Variants in PCDHA6 observed in about 807,000 individuals in gnomAD.
PCDHA6 encodes the protein protocadherin alpha-6.
In PCDHA6, 55 loss-of-function variants were observed where a neutral mutation model predicts 60.3. The ratio of observed to expected loss-of-function variants is 0.91; its 90% CI spans 0.73 to 1.14. The LOEUF is 1.14. Ranked by LOEUF, PCDHA6 falls within the 50% of genes most tolerant of loss-of-function variation. The pLI is 0.00. For synonymous variants in PCDHA6, 652 were observed against 557.9 expected, an observed-to-expected ratio of 1.17 and a Z score of -2.38; for missense variants, 1,327 against 1,256.5, an observed-to-expected ratio of 1.06 and a Z score of -0.85.
At chr5:140,843,373 T>C (rs2150358583) in intron 1 of PCDHA6, 5 of 1,596,150 alleles carry the variant, frequency 3.1e-6, no homozygotes, top group Non-Finnish European at 2.6e-6. Flanking sequence ...GGCAGTCGGC[T>C]GGCGTTTTGG....
Position 140,829,683 on chromosome 5 carries a change from T to C in PCDHA6, c.1592T>C (p.Leu531Pro), listed in dbSNP as rs1554132167. ...QPLDHEELEL[L>P]QFQVSARDAG... is the part of the protein sequence containing the mutation. Reference sequence around the variant, plus strand: ...CTGGACCACGAGGAGCTAGAGCTGCTGCAGTTTCAGGTGAGCGCGCGCGAC... The same window carrying C: ...CTGGACCACGAGGAGCTAGAGCTGCCGCAGTTTCAGGTGAGCGCGCGCGAC... The change falls in exon 1 of 4, where the codon CTG becomes CCG. Residue 531 changes from leucine (L) to proline (P), a missense_variant. Transcript: ENST00000529310. 6 of 1,613,236 alleles carry C rather than the reference T, an allele frequency of 3.7e-6. No individual in the cohort carries two copies. The East Asian group carries it at 1.3e-4, about 36-fold the overall frequency.
chr5:140,903,840 T>C (rs2070655374), intron 1 of PCDHA6, among the ~76,000 whole-genome samples: 1 of 152,196 alleles, frequency 6.6e-6, no homozygotes, highest in African/African-American at 2.4e-5. Flanking sequence ...GGTATTTTCA[T>C]TTATCTTAAC....
Position 140,982,515 on chromosome 5 carries a change from C to A in PCDHA6, c.2494C>A (p.Pro832Thr), listed in dbSNP as rs1278779763. ...LEEAGILRAG[P>T]GGPDQQWPTV... ...GGAGGCTGGCATTCTACGGGCTGGT[C>A]CAGGAGGGCCTGATCAGCAGTGGCC... Residue 832 changes from proline (P) to threonine (T), a missense_variant, in exon 3 of 4, where the codon CCA becomes ACA. Pro to Thr is a conservative substitution (Grantham distance 38, BLOSUM62 -1). Transcript: ENST00000529310. 3 of 1,614,058 alleles carry A rather than the reference C, an allele frequency of 1.9e-6. No individual in the cohort carries two copies. Among genetic ancestry groups the A allele is most frequent in the Middle Eastern group, 1.6e-4 (1 of 6,080 alleles).
At chr5:140,949,694 G>C (rs1447787366) in intron 1 of PCDHA6, among the ~76,000 whole-genome samples, 1 of 151,590 alleles carries the variant, frequency 6.6e-6, no homozygotes, top group Non-Finnish European at 1.5e-5. Context: ...CGTATTGTTG[G>C]ATCTTGCTGT....
chr5:140,868,490 A>C (rs1383994336), intron 1 of PCDHA6: 1 of 152,330 alleles, frequency 6.6e-6, no homozygotes, highest in African/African-American at 2.4e-5. Flanking sequence ...TTTTTCTTTG[A>C]GTTCCCTAGC....
At chr5:140,922,241 G>A (rs1314775680) in intron 1 of PCDHA6, among the ~76,000 whole-genome samples, 1 of 152,192 alleles carries the variant, frequency 6.6e-6, no homozygotes, top group Non-Finnish European at 1.5e-5. Context: ...TGATGTGTAT[G>A]AAGATAAGTT....
Position 140,830,111 on chromosome 5 carries a change from C to T in PCDHA6, c.2020C>T (p.Gln674Ter). Reference protein sequence around the residue: ...TVLVSLVESGQAPKASSRASV... With the variant: ...TVLVSLVESG ...TCTGGTGTCGCTGGTGGAGAGTGGC[C>T]AGGCTCCAAAGGCGTCATCACGGGC... Residue 674 changes from glutamine (Q) to a stop codon, truncating the protein, a stop_gained, in exon 1 of 4, where the codon CAG becomes TAG. Coordinates refer to ENST00000529310, the MANE Select transcript of PCDHA6 (RefSeq NM_018909.4). LOFTEE classifies it high-confidence loss of function. 2 of 1,613,576 alleles carry T rather than the reference C, an allele frequency of 1.2e-6. No individual in the cohort carries two copies. The highest frequency in any genetic ancestry group is 1.7e-6 in the Non-Finnish European group (2 of 1,179,878).
chr5:140,929,324 T>A (rs781810168), intron 1 of PCDHA6: 1 of 1,540,130 alleles, frequency 6.5e-7, no homozygotes, highest in African/African-American at 1.4e-5. Flanking sequence ...GTCAATGCCA[T>A]GGTAAGCAAA....
intron 1 of PCDHA6, chr5:140,870,939 G>C (rs555504652): frequency 6.2e-7 from 1 of 1,613,732 alleles, no homozygotes; most frequent in South Asian, 1.1e-5. Flanking sequence ...AATTGCAGCC[G>C]GCGGCGGGCG....
At chr5:140,927,054 C>CT in intron 1 of PCDHA6, 1 of 1,611,076 alleles carries the variant, frequency 6.2e-7, no homozygotes, top group African/African-American at 1.3e-5. Context: ...CCTCGCGGAA[C>CT]TTTCGCTTCC....
At chr5:140,924,725 C>T (rs1015635507) in intron 1 of PCDHA6, among the ~76,000 whole-genome samples, 71 of 151,698 alleles carry the variant, frequency 4.7e-4, no homozygotes, top group African/African-American at 1.6e-3. Flanking sequence ...CGAAACCTCA[C>T]CTCTAATAAA....
intron 1 of PCDHA6, chr5:140,929,130 A>C (rs1554206719): frequency 1.2e-6 from 2 of 1,614,168 alleles, no homozygotes; most frequent in Non-Finnish European, 1.7e-6. Flanking sequence ...ATGTCACTAC[A>C]GTTGAGAGAC....
At chr5:140,850,499 G>C (rs2150486529) in intron 1 of PCDHA6, 2 of 1,598,056 alleles carry the variant, frequency 1.3e-6, no homozygotes, top group East Asian at 2.2e-5. Flanking sequence ...TGCTGGTGTC[G>C]CTGGTGGAGA....
Position 140,910,016 on chromosome 5 carries a change from G to C in PCDHA6, c.2395-68933G>C, listed in dbSNP as rs375687025. Among the ~76,000 whole-genome samples the C allele has an allele frequency of 3.5e-4, 54 of 152,290 alleles. No individual in the cohort carries two copies. The South Asian group carries it at 0.011, about 32-fold the overall frequency. ...ATAAATTGTTGTCAGTGTCATCCTT[G>C]TATCCCTGGGATAAATCCCACTTGG... On this transcript the variant is annotated intron_variant, in intron 1 of 3. Coordinates refer to ENST00000529310, the MANE Select transcript of PCDHA6 (RefSeq NM_018909.4).
chr5:140,876,789 T>C (rs782509311), intron 1 of PCDHA6: 97 of 1,614,054 alleles, frequency 6.0e-5, no homozygotes, highest in Non-Finnish European at 7.5e-5. Context: ...GGGCCACGGC[T>C]AGAGTGTCCG....
intron 1 of PCDHA6, among the ~76,000 whole-genome samples, chr5:140,898,530 T>A (rs1256781089): frequency 6.6e-6 from 1 of 152,228 alleles, no homozygotes; most frequent in African/African-American, 2.4e-5. Flanking sequence ...GAGGGCTCTG[T>A]TCTGTTCCAT....
At chr5:140,928,178 G>C (rs2085023372) in intron 1 of PCDHA6, 1 of 1,614,074 alleles carries the variant, frequency 6.2e-7, no homozygotes, top group African/African-American at 1.3e-5. Flanking sequence ...AGCACCCGAA[G>C]GACAATCACT....
chr5:140,928,428 C>T (rs1273911750), intron 1 of PCDHA6: 2 of 1,614,026 alleles, frequency 1.2e-6, no homozygotes, highest in Non-Finnish European at 8.5e-7. Flanking sequence ...CCAAAACTTC[C>T]TTTGACTTTG....
Position 140,829,077 on chromosome 5 carries a change from C to A in PCDHA6, c.986C>A (p.Pro329His), listed in dbSNP as rs2150162312. 2 of 1,611,602 alleles carry A rather than the reference C, an allele frequency of 1.2e-6. No homozygotes were observed. The highest frequency in any genetic ancestry group is 4.5e-5 in the East Asian group (2 of 44,854). ...GACGCCACGGACAAAGGCCATCCTC[C>A]CATGGCGGGTCATTGCACCGTTTTA... Reference protein sequence around the residue: ...LIDATDKGHPPMAGHCTVLVR... With the variant: ...LIDATDKGHPHMAGHCTVLVR... Residue 329 changes from proline (P) to histidine (H), a missense_variant, in exon 1 of 4, where the codon CCC becomes CAC. Physicochemically the swap from Pro to His is moderately conservative, Grantham distance 77. Coordinates refer to ENST00000529310, the MANE Select transcript of PCDHA6 (RefSeq NM_018909.4).
Sources: allele counts gnomAD v4.1 joint callset (sites outside exome capture counted in the v4.1 genomes callset), GRCh38; gene constraint gnomAD v4.1.1; transcripts MANE v1.5; gene names NCBI Gene and HGNC (gene_info 2026-07-23, HGNC 2026-07-21).